BLTP1: variants seen among roughly 807,000 people sequenced by gnomAD.
The protein encoded by BLTP1 is bridge-like lipid transfer protein family member 1, also known as fragile site-associated protein.
chr4:122,255,985 G>A, the BLTP1 span: 11 of 885,040 alleles, frequency 1.2e-5, no homozygotes, highest in South Asian at 5.2e-4. Context: ...ACAGTTTGAT[G>A]AAACAGGGAC....
the BLTP1 span, chr4:122,246,206 A>G: frequency 1.7e-5 from 28 of 1,608,032 alleles, no homozygotes; most frequent in Non-Finnish European, 2.3e-5. Context: ...TACAATAGGA[A>G]CGACTAACCA....
chr4:122,356,567 CTTA>C, the BLTP1 span: 1 of 1,583,568 alleles, frequency 6.3e-7, no homozygotes, highest in Non-Finnish European at 8.6e-7. Flanking sequence ...TATATAAATC[CTTA>C]TTAATGGGAA....
At chr4:122,228,334 C>A in the BLTP1 span, among the ~76,000 whole-genome samples, 1 of 152,234 alleles carries the variant, frequency 6.6e-6, no homozygotes, top group East Asian at 1.9e-4. Flanking sequence ...GTAACTATTA[C>A]CACCAGTGAA....
At chr4:122,216,639 G>A in the BLTP1 span, among the ~76,000 whole-genome samples, 1 of 152,100 alleles carries the variant, frequency 6.6e-6, no homozygotes. Flanking sequence ...ATTTGTTTGA[G>A]TTCCCTGTAA....
the BLTP1 span, chr4:122,287,385 AT>A: frequency 5.0e-5 from 8 of 158,738 alleles, no homozygotes; most frequent in Non-Finnish European, 8.1e-5. Flanking sequence ...TTTTCATTTG[AT>A]TTGTGGTAAG....
the BLTP1 span, chr4:122,234,941 A>T: frequency 1.2e-6 from 2 of 1,613,864 alleles, no homozygotes; most frequent in Non-Finnish European, 1.7e-6. Flanking sequence ...GCACAAGTGC[A>T]GAGTCTGATA....
the BLTP1 span, chr4:122,264,024 A>G: frequency 1.3e-6 from 1 of 756,548 alleles, no homozygotes; most frequent in African/African-American, 1.9e-5. Flanking sequence ...ATGTATGTAT[A>G]AGGATAGATA....
chr4:122,199,262 T>C, the BLTP1 span: 1 of 1,498,930 alleles, frequency 6.7e-7, no homozygotes, highest in Non-Finnish European at 8.9e-7. Context: ...TTTCAAGGAT[T>C]CCTTCTTTGA....
the BLTP1 span, chr4:122,299,912 A>G: frequency 7.9e-5 from 78 of 985,130 alleles, no homozygotes; most frequent in Non-Finnish European, 9.0e-5. Flanking sequence ...GATAGCTCAG[A>G]GAGGAAAGGT....
the BLTP1 span, chr4:122,170,305 C>CAAAAAAAAAAAAAAAAAAAAAAAAAAA: frequency 1.5e-6 from 1 of 670,146 alleles, no homozygotes; most frequent in Non-Finnish European, 1.7e-6. Context: ...AACTCCTTCT[C>CAAAAAAAAAAAAAAAAAAAAAAAAAAA]AAAAAAAAAA....
the BLTP1 span, chr4:122,352,780 C>A: frequency 8.7e-7 from 1 of 1,152,016 alleles, no homozygotes; most frequent in Non-Finnish European, 1.2e-6. Flanking sequence ...GTTTAACAGG[C>A]ACTGGACACT....
At chr4:122,204,145 G>A in the BLTP1 span, among the ~76,000 whole-genome samples, 3 of 151,726 alleles carry the variant, frequency 2.0e-5, no homozygotes, top group Non-Finnish European at 4.4e-5. Flanking sequence ...AAGTACATTG[G>A]CATGTGTACT....
At chr4:122,249,821 C>T in the BLTP1 span, 20 of 1,414,230 alleles carry the variant, frequency 1.4e-5, no homozygotes, top group Admixed American at 2.6e-5. Flanking sequence ...GATTATTTAC[C>T]GGGGGTGAGT....
the BLTP1 span, chr4:122,353,282 A>C: frequency 7.0e-7 from 1 of 1,426,768 alleles, no homozygotes; most frequent in Non-Finnish European, 9.3e-7. The surrounding 1 kb of genome is among the most constrained non-coding windows in gnomAD (Gnocchi z 4.3). Flanking sequence ...GTTCACTACC[A>C]ATAAGTCAAT....
chr4:122,277,155 A>G, the BLTP1 span: 1 of 794,672 alleles, frequency 1.3e-6, no homozygotes, highest in Non-Finnish European at 1.5e-6. Flanking sequence ...TGAGAAATAT[A>G]ATGAGACCCT....
chr4:122,288,943 T>G, the BLTP1 span: 1 of 982,000 alleles, frequency 1.0e-6, no homozygotes, highest in South Asian at 1.9e-5. Context: ...GAACGCTGAA[T>G]ATTTTTAACT....
chr4:122,269,669 G>A, the BLTP1 span: 14 of 985,010 alleles, frequency 1.4e-5, no homozygotes, highest in South Asian at 6.1e-4. Flanking sequence ...GCTGATTGTT[G>A]TATATTAGTT....
chr4:122,291,015 A>T, the BLTP1 span: 99 of 643,258 alleles, frequency 1.5e-4, no homozygotes, highest in Admixed American at 5.1e-4. Flanking sequence ...GCCTCTCTTA[A>T]GGTAGTTTTG....
chr4:122,308,215 C>T, the BLTP1 span: 1 of 1,569,936 alleles, frequency 6.4e-7, no homozygotes, highest in Non-Finnish European at 8.7e-7. Flanking sequence ...TCTACATAAC[C>T]ATTTCTAAGT....
Sources: allele counts gnomAD v4.1 joint callset (sites outside exome capture counted in the v4.1 genomes callset), GRCh38; gene constraint gnomAD v4.1.1; non-coding constraint Gnocchi (gnomAD v3.1); transcripts MANE v1.5; gene names NCBI Gene and HGNC (gene_info 2026-07-23, HGNC 2026-07-21).